TTLL11: variants seen among roughly 807,000 people sequenced by gnomAD.
TTLL11 encodes the protein tubulin polyglutamylase TTLL11.
A neutral mutation model predicts 51.7 loss-of-function variants in TTLL11; 42 were observed. The ratio of observed to expected loss-of-function variants is 0.81; its 90% confidence interval spans 0.64 to 1.05. TTLL11 has a LOEUF of 1.05. Among genes scored for constraint, TTLL11 ranks in the 50% least tolerant of loss-of-function variants. The pLI, the probability that TTLL11 is intolerant of heterozygous loss-of-function variation, is 0.00. For missense variants in TTLL11, 799 were observed against 940.4 expected, an observed-to-expected ratio of 0.85 and a Z score of 1.97; for synonymous variants, 381 against 383.5, an observed-to-expected ratio of 0.99 and a Z score of 0.08.
intron 3 of TTLL11, among the ~76,000 whole-genome samples, chr9:122,015,938 A>C (rs750482551): frequency 2.0e-5 from 3 of 152,212 alleles, no homozygotes; most frequent in Non-Finnish European, 4.4e-5. Flanking sequence ...ATAATGATGA[A>C]TGAAACCCAT....
chr9:121,826,537 GTATATATATATATGTGTGTGTA>G (rs1836798056), intron 8 of TTLL11, among the ~76,000 whole-genome samples: 1 of 47,008 alleles, frequency 2.1e-5, no homozygotes, highest in Non-Finnish European at 3.7e-5. Context: ...ATGTGTGTGT[GTATATATATATATGTGTGTGTA>G]TATATATATA....
At chr9:121,849,090 C>T (rs184857441) in intron 8 of TTLL11, among the ~76,000 whole-genome samples, 20 of 152,276 alleles carry the variant, frequency 1.3e-4, no homozygotes, top group African/African-American at 3.1e-4. Flanking sequence ...CCTGGTAGGC[C>T]CCTGTGAATA....
intron 1 of TTLL11, among the ~76,000 whole-genome samples, chr9:122,079,463 A>G (rs941749482): frequency 3.9e-5 from 6 of 151,984 alleles, no homozygotes; most frequent in Non-Finnish European, 8.8e-5. Context: ...TGTAATCCCA[A>G]CACTTTGGGA....
intron 8 of TTLL11, 142 bp from the exon 9 acceptor site, chr9:121,823,021 G>T: frequency 9.7e-7 from 1 of 1,027,432 alleles, no homozygotes; most frequent in Non-Finnish European, 1.4e-6. Flanking sequence ...TCCTAACAGG[G>T]CTAACTCACT....
intron 8 of TTLL11, among the ~76,000 whole-genome samples, chr9:121,858,186 C>T (rs750949297): frequency 3.3e-5 from 5 of 152,162 alleles, no homozygotes; most frequent in Non-Finnish European, 7.3e-5. Context: ...TGCAGAGATG[C>T]GATAGAGGCA....
intron 6 of TTLL11, among the ~76,000 whole-genome samples, chr9:121,937,308 T>C (rs1841273139): frequency 6.6e-6 from 1 of 152,228 alleles, no homozygotes; most frequent in Non-Finnish European, 1.5e-5. Context: ...ATGTAGTCTA[T>C]GAGGTAGATC....
At chr9:122,006,981 CAAAA>C (rs71371911) in intron 3 of TTLL11, among the ~76,000 whole-genome samples, 158 of 43,428 alleles carry the variant, frequency 3.6e-3, no homozygotes, top group African/African-American at 0.011. Flanking sequence ...GATACTCTGT[CAAAA>C]AAAAAAAAAA....
intron 8 of TTLL11, among the ~76,000 whole-genome samples, chr9:121,835,286 A>C (rs1406394567): frequency 1.3e-5 from 2 of 152,178 alleles, no homozygotes; most frequent in African/African-American, 4.8e-5. Context: ...GCCAATACTC[A>C]CATTGTTAGA....
At chr9:121,930,688 G>A (rs1037209432) in intron 6 of TTLL11, among the ~76,000 whole-genome samples, 2 of 152,208 alleles carry the variant, frequency 1.3e-5, no homozygotes, top group Non-Finnish European at 2.9e-5. Context: ...GGTGGCTGCT[G>A]TCCCAGGTCT....
chr9:121,864,272 C>A (rs1838112845), intron 7 of TTLL11, among the ~76,000 whole-genome samples: 1 of 152,140 alleles, frequency 6.6e-6, no homozygotes, highest in Non-Finnish European at 1.5e-5. Flanking sequence ...TATACGTGAT[C>A]TTAGAGTCTG....
rs538659832 is a variant in TTLL11, at chr9:121,837,147, A to T, written c.1841-14268T>A. 2.6e-5 allele frequency among the ~76,000 whole-genome samples: 4 copies of T among 152,298 alleles called. No homozygotes were observed. The South Asian group carries it at 8.3e-4, about 32-fold the overall frequency. On this transcript the variant is annotated intron_variant, in intron 8 of 8. Transcript: ENST00000321582. Reference sequence around the variant, plus strand: ...TAGAATTCCATAGTATAGATGTACCATGAGTTTCTAAAATCCTTCCCCTAC... The same window carrying T: ...TAGAATTCCATAGTATAGATGTACCTTGAGTTTCTAAAATCCTTCCCCTAC...
chr9:121,838,821 C>CAAGCAAGCAAGA (rs1318032881), intron 8 of TTLL11, among the ~76,000 whole-genome samples: 2 of 151,630 alleles, frequency 1.3e-5, no homozygotes, highest in East Asian at 3.9e-4. Context: ...AGCAAGCAAG[C>CAAGCAAGCAAGA]AAGCAAAGAT....
chr9:122,062,379 T>C (rs1056315894), intron 1 of TTLL11, among the ~76,000 whole-genome samples: 2 of 152,120 alleles, frequency 1.3e-5, no homozygotes, highest in Admixed American at 6.5e-5. Flanking sequence ...ACTTGGTACA[T>C]TTCTGTTTTT....
chr9:121,884,453 C>A (rs1838925089), intron 6 of TTLL11, among the ~76,000 whole-genome samples: 2 of 152,266 alleles, frequency 1.3e-5, no homozygotes, highest in East Asian at 1.9e-4. Flanking sequence ...ATCCACTGAC[C>A]TACCCCGTCC....
chr9:122,058,898 G>A (rs1313251064), intron 1 of TTLL11, among the ~76,000 whole-genome samples: 2 of 152,218 alleles, frequency 1.3e-5, no homozygotes, highest in African/African-American at 4.8e-5. Flanking sequence ...CTGATGACCA[G>A]ATAATGAGGC....
At chr9:121,994,422 G>A (rs1843198191) in intron 3 of TTLL11, among the ~76,000 whole-genome samples, 1 of 152,170 alleles carries the variant, frequency 6.6e-6, no homozygotes, top group African/African-American at 2.4e-5. Flanking sequence ...CACTTATTAT[G>A]GGTCAGGCAC....
intron 3 of TTLL11, among the ~76,000 whole-genome samples, chr9:122,004,145 TA>T: frequency 6.6e-6 from 1 of 151,518 alleles, no homozygotes; most frequent in African/African-American, 2.4e-5. Context: ...AAAATAAAAA[TA>T]AAAAGTACCT....
chr9:122,054,803 T>C (rs1845248373), intron 1 of TTLL11, among the ~76,000 whole-genome samples: 1 of 152,184 alleles, frequency 6.6e-6, no homozygotes, highest in South Asian at 2.1e-4. Flanking sequence ...GACTCTTCCA[T>C]ATCGAAACTT....
At chr9:122,090,434 T>C (rs1339991821) in intron 1 of TTLL11, among the ~76,000 whole-genome samples, 1 of 152,116 alleles carries the variant, frequency 6.6e-6, no homozygotes, top group African/African-American at 2.4e-5. Context: ...GATCCGGCCA[T>C]ACTCAAAGTC....
Sources: gnomAD v4.1 joint callset for allele counts (sites outside exome capture counted in the v4.1 genomes callset) on GRCh38, gnomAD v4.1.1 for gene constraint, MANE v1.5 for transcripts, NCBI Gene and HGNC (gene_info 2026-07-23, HGNC 2026-07-21) for gene names.